Variants in IGF1R observed in about 807,000 individuals in gnomAD.
The protein encoded by IGF1R is insulin like growth factor 1 receptor.
In IGF1R, 44 loss-of-function variants were observed where a neutral mutation model predicts 144.6. That is an observed-to-expected ratio of 0.30 (90% CI 0.24 to 0.39). The LOEUF (loss-of-function observed/expected upper bound fraction) is 0.39, where lower values mean the gene tolerates loss of function less well. Ranked by LOEUF, IGF1R falls within the 10% of genes least tolerant of loss-of-function variation. The probability of loss-of-function intolerance (pLI) is 1.00; values close to 1 mark genes in which losing one functional copy is unlikely to be tolerated. For missense variants in IGF1R, 1,355 were observed against 1,833.7 expected, an observed-to-expected ratio of 0.74 and a Z score of 4.77; for synonymous variants, 795 against 722.8, an observed-to-expected ratio of 1.10 and a Z score of -1.60.
chr15:98,855,992 T>A (rs1665328717), intron 2 of IGF1R, among the ~76,000 whole-genome samples: 1 of 152,258 alleles, frequency 6.6e-6, no homozygotes, highest in African/African-American at 2.4e-5. Flanking sequence ...GGCCAAAGCA[T>A]GAAGCTGCTG....
chr15:98,942,702 T>A (rs41497346), intron 18 of IGF1R, among the ~76,000 whole-genome samples: 33,458 of 152,132 alleles, frequency 0.22, 4,596 homozygotes, highest in African/African-American at 0.38. Context: ...GTAAATATAT[T>A]AAAAGTGGAG....
In IGF1R at chr15:98,928,555, C is replaced by A. The variant is rs184416236; in HGVS notation, c.2783-1003C>A. Among the ~76,000 whole-genome samples the A allele has an allele frequency of 1.1e-4, 16 of 152,324 alleles. No individual in the cohort carries two copies. In the East Asian group the frequency reaches 3.1e-3, roughly 29 times the overall value. On this transcript the variant is annotated intron_variant, in intron 13 of 20. Coordinates refer to ENST00000650285, the MANE Select transcript of IGF1R (RefSeq NM_000875.5). The stretch of plus-strand genomic sequence containing the variant: ...GTCCCTTGTGAGCTGGCCCTGACTT[C>A]TCTCCAGTATCATCATTTTCTAGGA...
chr15:98,751,558 A>G (rs2055012277), intron 2 of IGF1R, among the ~76,000 whole-genome samples: 1 of 152,158 alleles, frequency 6.6e-6, no homozygotes, highest in African/African-American at 2.4e-5. Flanking sequence ...ATTGTTGGGC[A>G]TTTGCATTGG....
chr15:98,820,983 T>C (rs527542934), intron 2 of IGF1R: 1 of 152,346 alleles, frequency 6.6e-6, no homozygotes, highest in East Asian at 1.9e-4. Context: ...TCTTTTCTTT[T>C]TGGTGTACAA....
At chr15:98,751,869 C>G (rs1445189006) in intron 2 of IGF1R, among the ~76,000 whole-genome samples, 1 of 152,146 alleles carries the variant, frequency 6.6e-6, no homozygotes. Flanking sequence ...TGGATATATG[C>G]TGTGGTTTGT....
intron 6 of IGF1R, among the ~76,000 whole-genome samples, chr15:98,910,914 G>A (rs1400817842): frequency 2.6e-5 from 4 of 152,222 alleles, no homozygotes; most frequent in Non-Finnish European, 2.9e-5. Flanking sequence ...AAGTGTCATC[G>A]TCTCTCTTAA....
chr15:98,901,101 G>T (rs1244840404), intron 5 of IGF1R, among the ~76,000 whole-genome samples: 1 of 152,208 alleles, frequency 6.6e-6, no homozygotes, highest in East Asian at 1.9e-4. Flanking sequence ...GAATATTTAT[G>T]ATGTCTTTCT....
At position 98,960,620 on chromosome 15, in the gene IGF1R, C is replaced by T. The variant is rs2017185382; in HGVS notation, c.*3178C>T. ...CTGCTCCATCCCTGCAGGAGGCTCG[C>T]GCTGAGGCAGGACCGTGCGGCCATG... On this transcript the variant is annotated 3_prime_UTR_variant, in exon 21 of 21. Transcript: ENST00000650285. 1.7e-5 allele frequency: 4 copies of T among 233,406 alleles called. No individual in the cohort carries two copies. The highest frequency in any genetic ancestry group is 6.0e-5 in the East Asian group (1 of 16,604). The allele number at this position is 233,406 out of a possible 1,614,324, so 14.5% of individuals were successfully genotyped here.
chr15:98,733,100 A>G (rs1251956768), intron 2 of IGF1R, among the ~76,000 whole-genome samples: 1 of 152,202 alleles, frequency 6.6e-6, no homozygotes, highest in East Asian at 1.9e-4. Flanking sequence ...GGCGTATCCC[A>G]TGCAGGGAGG....
chr15:98,846,351 G>A (rs974221911), intron 2 of IGF1R, among the ~76,000 whole-genome samples: 4 of 152,180 alleles, frequency 2.6e-5, no homozygotes, highest in African/African-American at 9.7e-5. Context: ...TGACCAGGAT[G>A]AAGACACAAC....
intron 19 of IGF1R, among the ~76,000 whole-genome samples, chr15:98,945,844 C>T (rs2016529015): frequency 6.6e-6 from 1 of 152,050 alleles, no homozygotes; most frequent in South Asian, 2.1e-4. Flanking sequence ...ACTCAGTGGT[C>T]CTCAGTGGCA....
chr15:98,728,455 C>T (rs563522131), intron 2 of IGF1R, among the ~76,000 whole-genome samples: 70 of 152,332 alleles, frequency 4.6e-4, no homozygotes, highest in African/African-American at 1.6e-3. Context: ...CACCTCCCAG[C>T]AAGAGGGCCT....
intron 13 of IGF1R, among the ~76,000 whole-genome samples, chr15:98,924,935 T>A (rs941720749): frequency 6.6e-6 from 1 of 151,830 alleles, no homozygotes; most frequent in African/African-American, 2.4e-5. Flanking sequence ...CCTTTGAGGT[T>A]GTGTAACCAC....
chr15:98,813,798 T>C (rs1243660245), intron 2 of IGF1R, among the ~76,000 whole-genome samples: 1 of 152,150 alleles, frequency 6.6e-6, no homozygotes, highest in Non-Finnish European at 1.5e-5. Flanking sequence ...TTGAGAAAGG[T>C]GGAGAGGAGC....
intron 2 of IGF1R, among the ~76,000 whole-genome samples, chr15:98,779,147 C>T (rs973655123): frequency 3.9e-5 from 6 of 152,132 alleles, no homozygotes; most frequent in Admixed American, 1.3e-4. Context: ...CACTTTGTTC[C>T]AGAACAATGT....
chr15:98,676,074 C>T (rs2053035434), intron 1 of IGF1R, among the ~76,000 whole-genome samples: 1 of 151,750 alleles, frequency 6.6e-6, no homozygotes, highest in Admixed American at 6.6e-5. Flanking sequence ...AGGTGATCCG[C>T]CCACCTCACC....
intron 2 of IGF1R, among the ~76,000 whole-genome samples, chr15:98,723,469 A>C (rs1047123886): frequency 3.3e-5 from 5 of 152,360 alleles, no homozygotes; most frequent in African/African-American, 9.6e-5. Context: ...GGCAGAGGGA[A>C]ATATTAAATT....
chr15:98,707,552 C>T lies in IGF1R; in HGVS notation c.95-10C>T. The T allele has an allele frequency of 6.2e-7, 1 of 1,613,930 alleles. No individual in the cohort carries two copies. Among genetic ancestry groups the T allele is most frequent in the South Asian group, 1.1e-5 (1 of 91,054 alleles). ...CTAACTGAGACGTTTACCCTCTTGT[C>T]TCCCTTCAGTCTGCGGGCCAGGCAT... On this transcript the variant is annotated splice_polypyrimidine_tract_variant and intron_variant, in intron 1 of 20. Coordinates refer to ENST00000650285, the MANE Select transcript of IGF1R (RefSeq NM_000875.5). This position sits in a 1 kb window ranked among gnomAD's most constrained non-coding sequence, Gnocchi z 6.7.
intron 2 of IGF1R, among the ~76,000 whole-genome samples, chr15:98,800,909 A>G (rs982957385): frequency 7.2e-5 from 11 of 152,210 alleles, no homozygotes; most frequent in African/African-American, 2.4e-4. Context: ...CCCAGGCTTC[A>G]TTTTAAAGGA....
Sources: gnomAD v4.1 joint callset for allele counts (sites outside exome capture counted in the v4.1 genomes callset) on GRCh38, gnomAD v4.1.1 for gene constraint, Gnocchi (gnomAD v3.1) non-coding constraint, MANE v1.5 for transcripts, NCBI Gene and HGNC (gene_info 2026-07-23, HGNC 2026-07-21) for gene names.